The following CORO2B variants were observed in gnomAD, a reference collection of about 807,000 sequenced individuals.
CORO2B encodes the protein coronin-2B.
Under a neutral mutation model 58.8 loss-of-function variants are expected in CORO2B, and 26 were observed. That is an observed-to-expected ratio of 0.44 (90% CI 0.32 to 0.61). The LOEUF is 0.61. CORO2B is among the 20% of genes least tolerant of loss of function. The pLI is 0.04. For missense variants in CORO2B, 460 were observed against 645.1 expected, an observed-to-expected ratio of 0.71 and a Z score of 3.11; for synonymous variants, 242 against 253.8, an observed-to-expected ratio of 0.95 and a Z score of 0.44.
At chr15:68,533,354 C>T in the CORO2B span, among the ~76,000 whole-genome samples, 152 of 152,258 alleles carry the variant, frequency 1.0e-3, no homozygotes, top group African/African-American at 3.6e-3. Context: ...GAATTTAATT[C>T]AGAAACTTTC....
the CORO2B span, among the ~76,000 whole-genome samples, chr15:68,555,432 A>G: frequency 3.3e-5 from 5 of 152,312 alleles, no homozygotes; most frequent in African/African-American, 9.6e-5. Flanking sequence ...AGCCATGGTC[A>G]GAGCTCACAG....
chr15:68,620,259 G>A (rs1339333585), intron 1 of CORO2B, among the ~76,000 whole-genome samples: 1 of 152,108 alleles, frequency 6.6e-6, no homozygotes, highest in Non-Finnish European at 1.5e-5. Flanking sequence ...AAGGTAGCTA[G>A]GACATCAAAC....
At chr15:68,584,003 G>A (rs572857397) in intron 1 of CORO2B, among the ~76,000 whole-genome samples, 17 of 152,318 alleles carry the variant, frequency 1.1e-4, no homozygotes, top group African/African-American at 3.6e-4. Context: ...GCAGTCATTC[G>A]TTCATTTAGC....
At chr15:68,670,068 A>AC (rs397708940) in intron 2 of CORO2B, among the ~76,000 whole-genome samples, 1,902 of 146,768 alleles carry the variant, frequency 0.013, 21 homozygotes, top group Middle Eastern at 0.04. Context: ...GAAAAAAAAA[A>AC]GGGGGGGAAA....
At chr15:68,660,220 C>T (rs1901969594) in intron 2 of CORO2B, among the ~76,000 whole-genome samples, 1 of 152,144 alleles carries the variant, frequency 6.6e-6, no homozygotes, top group African/African-American at 2.4e-5. Context: ...GACCCTTCTG[C>T]CAGATTGTCT....
intron 2 of CORO2B, among the ~76,000 whole-genome samples, chr15:68,688,371 A>G (rs1156691133): frequency 6.6e-6 from 1 of 152,184 alleles, no homozygotes; most frequent in African/African-American, 2.4e-5. Context: ...AAATCCAAAA[A>G]CCCAAAATCC....
At chr15:68,708,323 A>G (rs116458895) in intron 3 of CORO2B, among the ~76,000 whole-genome samples, 2,231 of 149,268 alleles carry the variant, frequency 0.015, 68 homozygotes, top group African/African-American at 0.053. Context: ...TGCTCCCAGG[A>G]CTTCTGGTCT....
chr15:68,648,452 C>T (rs796727585), intron 2 of CORO2B, among the ~76,000 whole-genome samples: 5 of 152,072 alleles, frequency 3.3e-5, no homozygotes, highest in Admixed American at 2.6e-4. Flanking sequence ...CAAGACCATC[C>T]TGGCTAACAT....
At chr15:68,635,333 C>T (rs1338895895) in intron 1 of CORO2B, among the ~76,000 whole-genome samples, 1 of 152,218 alleles carries the variant, frequency 6.6e-6, no homozygotes, top group Non-Finnish European at 1.5e-5. Flanking sequence ...AAATAGAAAC[C>T]ATCTGTTGGG....
At chr15:68,597,079 C>CTTTTTTTTTTTTTTTTTT (rs755518983) in intron 1 of CORO2B, among the ~76,000 whole-genome samples, 1 of 147,018 alleles carries the variant, frequency 6.8e-6, no homozygotes, top group Non-Finnish European at 1.5e-5. Flanking sequence ...GCATATATAT[C>CTTTTTTTTTTTTTTTTTT]TTTTTTTTTT....
chr15:68,702,030 G>C (rs1184377091), intron 3 of CORO2B, among the ~76,000 whole-genome samples: 1 of 152,126 alleles, frequency 6.6e-6, no homozygotes, highest in Non-Finnish European at 1.5e-5. Flanking sequence ...ATCACCTGAG[G>C]TCAGCAGCTT....
chr15:68,538,838 G>A, the CORO2B span, among the ~76,000 whole-genome samples: 1 of 152,150 alleles, frequency 6.6e-6, no homozygotes, highest in Admixed American at 6.5e-5. Flanking sequence ...GTAGCCTGTA[G>A]GTTCTCATGG....
At chr15:68,577,445 CG>C (rs1254619314), upstream of CORO2B, among the ~76,000 whole-genome samples, 1 of 151,984 alleles carries the variant, frequency 6.6e-6, no homozygotes, top group Non-Finnish European at 1.5e-5. Context: ...ATGGCAGGGC[CG>C]GGGGCGGTTG....
rs1224180923 is a variant in CORO2B, at chr15:68,695,159, A to G, written c.236A>G (p.Asn79Ser). 3 of 1,613,720 alleles carry G rather than the reference A, an allele frequency of 1.9e-6. No homozygotes were observed. Among genetic ancestry groups the G allele is most frequent in the South Asian group, 1.1e-5 (1 of 91,062 alleles). ...CTGCAGACAGGCAGGATTGAACCCA[A>G]CTACCCCAAGGTCTGCGGCCACCAG... ...PLEQTGRIEPNYPKVCGHQGN... is the reference protein window; with the variant it reads ...PLEQTGRIEPSYPKVCGHQGN... Residue 79 changes from asparagine (N) to serine (S), a missense_variant, in exon 3 of 12, where the codon AAC (asparagine) becomes AGC (serine). Asn to Ser is a conservative substitution (Grantham distance 46). Coordinates refer to ENST00000261861, the MANE Select transcript of CORO2B (RefSeq NM_006091.5).
intron 2 of CORO2B, among the ~76,000 whole-genome samples, chr15:68,659,011 T>A (rs1216484946): frequency 6.6e-6 from 1 of 152,222 alleles, no homozygotes. Flanking sequence ...CTCTACCCAC[T>A]TAGAATAACT....
the CORO2B span, among the ~76,000 whole-genome samples, chr15:68,568,960 C>T: frequency 2.6e-5 from 4 of 152,180 alleles, no homozygotes; most frequent in East Asian, 5.8e-4. Context: ...GCACGTTCTG[C>T]ACATGTATCC....
At chr15:68,539,575 T>C in the CORO2B span, among the ~76,000 whole-genome samples, 2 of 146,120 alleles carry the variant, frequency 1.4e-5, no homozygotes, top group Non-Finnish European at 3.1e-5. Context: ...CTCAGGGGGC[T>C]GAGGTGGGAA....
At chr15:68,562,720 A>G in the CORO2B span, among the ~76,000 whole-genome samples, 1 of 152,194 alleles carries the variant, frequency 6.6e-6, no homozygotes, top group Non-Finnish European at 1.5e-5. Flanking sequence ...CATGCCTGTA[A>G]TTCCAGCACT....
intron 11 of CORO2B, among the ~76,000 whole-genome samples, chr15:68,723,054 T>G (rs895845392): frequency 2.7e-5 from 4 of 149,188 alleles, no homozygotes; most frequent in Admixed American, 2.0e-4. Context: ...GCAACAAGAG[T>G]GAAACTCCGT....
Sources: allele counts gnomAD v4.1 joint callset (sites outside exome capture counted in the v4.1 genomes callset), GRCh38; gene constraint gnomAD v4.1.1; transcripts MANE v1.5; gene names NCBI Gene and HGNC (gene_info 2026-07-23, HGNC 2026-07-21).